Variants in PSMA7 observed in about 807,000 individuals in gnomAD.
PSMA7 encodes proteasome subunit alpha type-7.
A neutral mutation model predicts 31.3 loss-of-function variants in PSMA7; 5 were observed. The observed-to-expected ratio is 0.16, with a 90% CI of 0.08 to 0.34. The LOEUF (loss-of-function observed/expected upper bound fraction) is 0.34. PSMA7 is among the 10% of genes least tolerant of loss of function. The probability of loss-of-function intolerance (pLI) is 1.00; values close to 1 mark genes in which losing one functional copy is unlikely to be tolerated. For synonymous variants in PSMA7, 155 were observed against 121.9 expected (o/e 1.27, Z -1.79); for missense variants, 217 against 327.5 (o/e 0.66, Z 2.60).
Position 62,143,199 on chromosome 20 carries a change from C to T in PSMA7, c.96+9G>A. ...CGTCCCCGGCCCCGCGCAGGCCCCG[C>T]CGCCTCACCGCGGTCGAGCCCTTCT... On this transcript the variant is annotated intron_variant, in intron 1 of 6. Transcript: ENST00000370873. The T allele has an allele frequency of 1.4e-6, 2 of 1,385,634 alleles. No homozygotes were observed. The highest frequency in any genetic ancestry group is 1.5e-5 in the African/African-American group (1 of 65,074). The allele number at this position is 1,385,634 out of a possible 1,614,324, so 85.8% of individuals were successfully genotyped here.
intron 1 of PSMA7, among the ~76,000 whole-genome samples, chr20:62,142,826 C>A (rs922579472): frequency 6.6e-6 from 1 of 151,906 alleles, no homozygotes; most frequent in African/African-American, 2.4e-5. Flanking sequence ...CTACCCCCCG[C>A]GCTCCGCGGC....
At position 62,138,365 on chromosome 20, in the gene PSMA7, T is replaced by TA. The variant is rs537521135; in HGVS notation, c.472-76dup. On this transcript the variant is annotated intron_variant, in intron 4 of 6. Transcript: ENST00000370873. Reference sequence around the variant, plus strand: ...GGCCAGCCCTGGAACACAGCTGCCCTACATGGGCCGCCCAGCCAGTGGCAG... The same window carrying TA: ...GGCCAGCCCTGGAACACAGCTGCCCTAACATGGGCCGCCCAGCCAGTGGCAG... 1.1e-4 allele frequency: 159 copies of TA among 1,511,154 alleles called. No homozygotes were observed. In the East Asian group the frequency reaches 3.3e-3, roughly 31 times the overall value. 93.6% of individuals were successfully genotyped at this position (1,511,154 alleles called of 1,614,324 possible). A position where few individuals can be genotyped will look rare whatever the true frequency, so the allele number is the denominator to read the frequency against.
Position 62,143,333 on chromosome 20 carries a change from C to A in PSMA7, c.-30G>T. The A allele has an allele frequency of 1.5e-6, 2 of 1,343,574 alleles. No homozygotes were observed. Among genetic ancestry groups the A allele is most frequent in the Non-Finnish European group, 2.0e-6 (2 of 1,024,264 alleles). The allele number at this position is 1,343,574 out of a possible 1,614,324, so 83.2% of individuals were successfully genotyped here. The stretch of plus-strand genomic sequence containing the variant: ...GCGGGCGGCGGCCGGGCTCCTTCCG[C>A]CGCGACTCTCAAAAGCGCACACTCA... On this transcript the variant is annotated 5_prime_UTR_variant, in exon 1 of 7. Transcript: ENST00000370873.
intron 1 of PSMA7, 82 bp downstream of exon 1, chr20:62,143,126 G>C (rs1328898471): frequency 1.1e-6 from 1 of 922,960 alleles, no homozygotes; most frequent in African/African-American, 1.8e-5. Flanking sequence ...CCACAGCGCC[G>C]CGCCCGGCCC....
Position 62,143,256 on chromosome 20 carries a change from G to A in PSMA7, c.48C>T (p.Leu16=), listed in dbSNP as rs756743582. The stretch of plus-strand genomic sequence containing the variant: ...CCTCCTGCGCGTACTCCACTTGGAA[G>A]AGGTGGCCGTCGGGCGAGAAGACGG... ...AITVFSPDGH[L]FQVEYAQEAV... The change falls in exon 1 of 7, where the codon CTC becomes CTT. Residue 16 remains leucine (L), a synonymous_variant. Coordinates refer to ENST00000370873, the MANE Select transcript of PSMA7 (RefSeq NM_002792.4). 2.7e-6 allele frequency: 4 copies of A among 1,480,306 alleles called. No individual in the cohort carries two copies. The highest frequency in any genetic ancestry group is 2.7e-6 in the Non-Finnish European group (3 of 1,109,026). 91.7% of individuals were successfully genotyped at this position (1,480,306 alleles called of 1,614,324 possible).
intron 2 of PSMA7, among the ~76,000 whole-genome samples, chr20:62,140,198 G>A (rs992918810): frequency 2.0e-5 from 3 of 152,192 alleles, no homozygotes; most frequent in Admixed American, 2.0e-4. Flanking sequence ...AAAATTGTAG[G>A]CTGCCGTGCA....
chr20:62,138,155 C>T lies in PSMA7; in HGVS notation c.591+16G>A. 1 of 1,614,136 alleles carries T rather than the reference C, an allele frequency of 6.2e-7. No homozygotes were observed. The highest frequency in any genetic ancestry group is 8.5e-7 in the Non-Finnish European group (1 of 1,179,966). ...GTATCTTCACCACCTTGCCTGGATT[C>T]CAAATGCAAACTTACTTCCAGGAGT... On this transcript the variant is annotated intron_variant, in intron 5 of 6. Coordinates refer to ENST00000370873, the MANE Select transcript of PSMA7 (RefSeq NM_002792.4).
At position 62,137,536 on chromosome 20, in the gene PSMA7, GA is replaced by G. The variant is rs1212313932; in HGVS notation, c.592-111del. 3 of 1,023,316 alleles carry G rather than the reference GA, an allele frequency of 2.9e-6. No individual in the cohort carries two copies. The African/African-American group carries it at 4.8e-5, about 16-fold the overall frequency. 63.4% of individuals were successfully genotyped at this position (1,023,316 alleles called of 1,614,324 possible). Reference sequence around the variant, plus strand: ...GTACCCAAACCCAGCACCGTCCCAGGAACAGAGGTCCCAGCCCCCAAAACCT... The same window carrying G: ...GTACCCAAACCCAGCACCGTCCCAGGACAGAGGTCCCAGCCCCCAAAACCT... On this transcript the variant is annotated intron_variant, in intron 5 of 6. Coordinates refer to ENST00000370873, the MANE Select transcript of PSMA7 (RefSeq NM_002792.4).
chr20:62,137,336 A>C, intron 6 of PSMA7, 28 bp downstream of exon 6: 1 of 1,610,708 alleles, frequency 6.2e-7, no homozygotes, highest in Non-Finnish European at 8.5e-7. Flanking sequence ...ACTGACAGGT[A>C]AAGAAAGCAG....
At chr20:62,138,742 G>A (rs2056909910) in intron 4 of PSMA7, among the ~76,000 whole-genome samples, 1 of 151,948 alleles carries the variant, frequency 6.6e-6, no homozygotes, top group Admixed American at 6.6e-5. Context: ...ATTTTTAGTG[G>A]AGACAGGGTT....
rs769876899 is a variant in PSMA7, at chr20:62,139,244, A to G, written c.349-47T>C. ...CAGTGCCATCCAATTAAGAAACTGC[A>G]TGTGAGGAAAGAACCGTACTTAGTG... On this transcript the variant is annotated intron_variant, in intron 3 of 6. Transcript: ENST00000370873. The G allele has an allele frequency of 7.5e-6, 12 of 1,596,356 alleles. No homozygotes were observed. The South Asian group carries it at 1.1e-4, about 15-fold the overall frequency.
chr20:62,138,128 T>G (rs776484239), intron 5 of PSMA7, 43 bp downstream of exon 5: 1 of 1,612,966 alleles, frequency 6.2e-7, no homozygotes, highest in East Asian at 2.2e-5. Flanking sequence ...CACCAAAACG[T>G]GGTATCTTCA....
chr20:62,143,375 G>A lies in PSMA7; in HGVS notation c.-72C>T, dbSNP rs2056954265. ...GCACACTCACGGCCCGCGCGCACCC[G>A]CGACTCCCGGCGCCACTACGCCCGC... is the stretch of plus-strand genomic sequence containing the variant. On this transcript the variant is annotated 5_prime_UTR_variant, in exon 1 of 7. Coordinates refer to ENST00000370873, the MANE Select transcript of PSMA7 (RefSeq NM_002792.4). 5.7e-6 allele frequency: 5 copies of A among 870,144 alleles called. No homozygotes were observed. In the South Asian group the frequency reaches 1.5e-4, roughly 26 times the overall value. The allele number at this position is 870,144 out of a possible 1,614,324, so 53.9% of individuals were successfully genotyped here.
intron 1 of PSMA7, among the ~76,000 whole-genome samples, chr20:62,141,177 G>A (rs1305475445): frequency 1.3e-5 from 2 of 152,344 alleles, no homozygotes; most frequent in Non-Finnish European, 2.9e-5. Context: ...GCTGGTGGGA[G>A]GATCGCTAGA....
chr20:62,136,983 C>A (rs769129730), intron 6 of PSMA7, 34 bp from the exon 7 acceptor site: 1 of 1,590,378 alleles, frequency 6.3e-7, no homozygotes, highest in African/African-American at 1.4e-5. Context: ...ACCTAAGCCA[C>A]ACAAGGTGCC....
At chr20:62,141,379 G>A (rs567263652) in intron 1 of PSMA7, among the ~76,000 whole-genome samples, 4 of 152,320 alleles carry the variant, frequency 2.6e-5, no homozygotes, top group East Asian at 1.9e-4. Flanking sequence ...CCACTGGAAG[G>A]TGCGTTCACC....
intron 4 of PSMA7, among the ~76,000 whole-genome samples, chr20:62,138,511 G>A (rs909415781): frequency 1.3e-4 from 19 of 151,440 alleles, no homozygotes; most frequent in Non-Finnish European, 2.1e-4. Context: ...GGGGTTATAC[G>A]ATTGTATGTT....
At position 62,140,955 on chromosome 20, in the gene PSMA7, G is replaced by C; in HGVS notation, c.97-11C>G. ...TCCTCGAACACCAACCTTTAATTAA[G>C]ATCCACAAACCACGTAAGAAAGTGA... On this transcript the variant is annotated splice_polypyrimidine_tract_variant and intron_variant, in intron 1 of 6. Transcript: ENST00000370873. 2 of 1,613,904 alleles carry C rather than the reference G, an allele frequency of 1.2e-6. No individual in the cohort carries two copies. The highest frequency in any genetic ancestry group is 8.5e-7 in the Non-Finnish European group (1 of 1,179,990).
At position 62,139,942 on chromosome 20, in the gene PSMA7, A is replaced by G. The variant is rs375200612; in HGVS notation, c.224-37T>C. On this transcript the variant is annotated intron_variant, in intron 2 of 6. Transcript: ENST00000370873. Reference sequence around the variant, plus strand: ...GCAGAGAGGCTTCTGCTAGAGAGACAGCACAAACTACAGGGTGGGGACAGA... The same window carrying G: ...GCAGAGAGGCTTCTGCTAGAGAGACGGCACAAACTACAGGGTGGGGACAGA... 4 of 1,604,852 alleles carry G rather than the reference A, an allele frequency of 2.5e-6. No individual in the cohort carries two copies. The African/African-American group carries it at 4.0e-5, about 16-fold the overall frequency.
Sources: gnomAD v4.1 joint callset for allele counts (sites outside exome capture counted in the v4.1 genomes callset) on GRCh38, gnomAD v4.1.1 for gene constraint, MANE v1.5 for transcripts, NCBI Gene and HGNC (gene_info 2026-07-23, HGNC 2026-07-21) for gene names.